Variants in LRBA observed in about 807,000 individuals in gnomAD.
LRBA encodes lipopolysaccharide-responsive and beige-like anchor protein.
LRBA carries 176 observed loss-of-function variants against 330.0 expected under a neutral mutation model. That is an observed-to-expected ratio of 0.53 (90% confidence interval 0.47 to 0.60). The LOEUF (loss-of-function observed/expected upper bound fraction) is 0.60, where lower values mean the gene tolerates loss of function less well. Ranked by LOEUF, LRBA falls within the 20% of genes least tolerant of loss-of-function variation. The pLI is 0.00. For synonymous variants in LRBA, 1,230 were observed against 1,193.0 expected (o/e 1.03, Z -0.64); for missense variants, 3,259 against 3,444.8 (o/e 0.95, Z 1.35).
At chr4:150,851,566 T>C (rs1310066617) in intron 23 of LRBA, among the ~76,000 whole-genome samples, 1 of 152,204 alleles carries the variant, frequency 6.6e-6, no homozygotes, top group African/African-American at 2.4e-5. Flanking sequence ...TGTACTAGGA[T>C]TGGGTTAGTC....
intron 28 of LRBA, among the ~76,000 whole-genome samples, chr4:150,842,051 A>T (rs758109116): frequency 2.6e-5 from 4 of 152,208 alleles, no homozygotes; most frequent in Non-Finnish European, 1.5e-5. Flanking sequence ...TAAAACTCCT[A>T]TAAGGTGATT....
At chr4:150,333,886 G>C (rs1734307093) in intron 48 of LRBA, among the ~76,000 whole-genome samples, 1 of 152,028 alleles carries the variant, frequency 6.6e-6, no homozygotes, top group Non-Finnish European at 1.5e-5. Flanking sequence ...GCCAAAAAAG[G>C]ACCCATAGCA....
chr4:150,685,726 C>T (rs1025170961), intron 36 of LRBA, among the ~76,000 whole-genome samples: 1 of 151,676 alleles, frequency 6.6e-6, no homozygotes, highest in Non-Finnish European at 1.5e-5. Context: ...TGAGCCACCG[C>T]GCCTGGCCAA....
chr4:150,667,409 T>C (rs1781660728), intron 37 of LRBA, among the ~76,000 whole-genome samples: 1 of 151,860 alleles, frequency 6.6e-6, no homozygotes, highest in Admixed American at 6.6e-5. Flanking sequence ...AGAAGCAGAG[T>C]CAGAGAGAAA....
At position 150,273,828 on chromosome 4, in the gene LRBA, C is replaced by A. The variant is rs561363992; in HGVS notation, c.8468+4025G>T. Among the ~76,000 whole-genome samples the A allele has an allele frequency of 9.9e-5, 15 of 152,216 alleles. No individual in the cohort carries two copies. The South Asian group carries it at 2.7e-3, about 27-fold the overall frequency. ...CATAAAGCAAGTTCTTAGAGACCTA[C>A]AAAGAGACTTAGACTCCCACACAAT... is the stretch of plus-strand genomic sequence containing the variant. On this transcript the variant is annotated intron_variant, in intron 56 of 56. Coordinates refer to ENST00000651943, the MANE Select transcript of LRBA (RefSeq NM_001364905.1).
intron 30 of LRBA, among the ~76,000 whole-genome samples, chr4:150,818,538 G>GTGTGTA (rs1301343593): frequency 6.8e-6 from 1 of 146,020 alleles, no homozygotes; most frequent in Non-Finnish European, 1.5e-5. Flanking sequence ...ATGTCTGTGT[G>GTGTGTA]TGTGTGTGTG....
At chr4:150,525,745 A>G (rs1763392912) in intron 40 of LRBA, among the ~76,000 whole-genome samples, 2 of 152,166 alleles carry the variant, frequency 1.3e-5, no homozygotes, top group African/African-American at 4.8e-5. Context: ...TACACTAGGG[A>G]ATCTTATAAA....
intron 40 of LRBA, among the ~76,000 whole-genome samples, chr4:150,495,914 C>G (rs1759538386): frequency 6.6e-6 from 1 of 152,064 alleles, no homozygotes; most frequent in Non-Finnish European, 1.5e-5. Flanking sequence ...ATGTTTACCA[C>G]CTTGTTTTAT....
intron 37 of LRBA, among the ~76,000 whole-genome samples, chr4:150,649,697 T>A (rs1416315921): frequency 6.6e-6 from 1 of 152,162 alleles, no homozygotes; most frequent in Admixed American, 6.6e-5. Context: ...TTACTAAGCA[T>A]TAATATCAGG....
At chr4:150,323,829 T>C (rs1342064371) in intron 49 of LRBA, among the ~76,000 whole-genome samples, 1 of 152,194 alleles carries the variant, frequency 6.6e-6, no homozygotes, top group Non-Finnish European at 1.5e-5. Context: ...GAGCAACTGG[T>C]AAAACAGGGA....
chr4:150,681,209 T>C (rs1484602770), intron 37 of LRBA, among the ~76,000 whole-genome samples: 2 of 152,236 alleles, frequency 1.3e-5, no homozygotes, highest in Admixed American at 6.5e-5. Flanking sequence ...TAATGCCATT[T>C]ATGTTTTCTA....
At chr4:150,568,035 G>A (rs961119752) in intron 40 of LRBA, among the ~76,000 whole-genome samples, 2 of 152,152 alleles carry the variant, frequency 1.3e-5, no homozygotes, top group Non-Finnish European at 2.9e-5. Flanking sequence ...CCCGGGCACT[G>A]TGGCTCACGC....
chr4:150,510,216 T>G (rs11932768), intron 40 of LRBA, among the ~76,000 whole-genome samples: 99,930 of 152,096 alleles, frequency 0.66, 34,158 homozygotes, highest in Non-Finnish European at 0.75. Flanking sequence ...CAATATCTAA[T>G]AAAGAAGTTA....
At chr4:150,466,877 G>C (rs957370301) in intron 44 of LRBA, among the ~76,000 whole-genome samples, 2 of 152,070 alleles carry the variant, frequency 1.3e-5, no homozygotes, top group African/African-American at 2.4e-5. Context: ...AAAAGGGATA[G>C]AAATAATGAC....
chr4:150,474,505 T>G (rs935177391), intron 42 of LRBA, among the ~76,000 whole-genome samples: 21 of 152,152 alleles, frequency 1.4e-4, no homozygotes, highest in African/African-American at 4.8e-4. Flanking sequence ...GTCCATTGCA[T>G]TTCAACTTCC....
intron 37 of LRBA, among the ~76,000 whole-genome samples, chr4:150,608,672 G>A (rs188529140): frequency 6.6e-6 from 1 of 152,108 alleles, no homozygotes; most frequent in Non-Finnish European, 1.5e-5. Context: ...TATTTACAGA[G>A]TTGTACAATC....
chr4:151,009,118 C>T (rs759644442), intron 2 of LRBA, among the ~76,000 whole-genome samples: 48 of 147,762 alleles, frequency 3.2e-4, no homozygotes, highest in Admixed American at 5.5e-4. Context: ...TGACCTCCCA[C>T]CTCAGCCTCC....
chr4:150,784,342 C>T lies in LRBA; in HGVS notation c.5580+13739G>A, dbSNP rs181478443. On this transcript the variant is annotated intron_variant, in intron 34 of 56. Transcript: ENST00000651943. ...TTGTAAAAGTCCTGGCTCTTTGAGC[C>T]TGATGGCAACCTTTGATATGCAAAT... Among the ~76,000 whole-genome samples, 66 of 152,314 alleles carry T rather than the reference C, an allele frequency of 4.3e-4. 1 individual carries two copies. Among genetic ancestry groups the T allele is most frequent in the Admixed American group, 4.1e-3 (62 of 15,298 alleles).
intron 31 of LRBA, among the ~76,000 whole-genome samples, chr4:150,808,839 T>C (rs891992329): frequency 6.6e-6 from 1 of 152,224 alleles, no homozygotes; most frequent in East Asian, 1.9e-4. Flanking sequence ...AAGGACTAAA[T>C]TGTAGCAATA....
Sources: allele counts gnomAD v4.1 joint callset (sites outside exome capture counted in the v4.1 genomes callset), GRCh38; gene constraint gnomAD v4.1.1; transcripts MANE v1.5; gene names NCBI Gene and HGNC (gene_info 2026-07-23, HGNC 2026-07-21).